The following SORCS3 variants were observed in gnomAD, a reference collection of about 807,000 sequenced individuals.
SORCS3 encodes the protein sortilin related VPS10 domain containing receptor 3.
Under a neutral mutation model 146.3 loss-of-function variants are expected in SORCS3, and 57 were observed. The ratio of observed to expected loss-of-function variants is 0.39; its 90% confidence interval spans 0.31 to 0.49. The LOEUF (loss-of-function observed/expected upper bound fraction) is 0.49, where lower values mean the gene tolerates loss of function less well. SORCS3 is among the 20% of genes least tolerant of loss of function. The pLI is 0.92. For synonymous variants in SORCS3, 653 were observed against 618.5 expected, an observed-to-expected ratio of 1.06 and a Z score of -0.83; for missense variants, 1,341 against 1,575.5, an observed-to-expected ratio of 0.85 and a Z score of 2.52.
intron 5 of SORCS3, among the ~76,000 whole-genome samples, chr10:105,055,060 G>A (rs951335890): frequency 1.3e-4 from 20 of 152,070 alleles, no homozygotes; most frequent in African/African-American, 4.8e-4. Flanking sequence ...CCAGTTTTGA[G>A]TATTGGCCAC....
chr10:105,044,802 C>T (rs1027361357), intron 5 of SORCS3, among the ~76,000 whole-genome samples: 13 of 151,734 alleles, frequency 8.6e-5, no homozygotes, highest in African/African-American at 2.9e-4. Context: ...TGGACTATCT[C>T]CAGCATGTTT....
intron 1 of SORCS3, among the ~76,000 whole-genome samples, chr10:104,811,526 A>G (rs1050801923): frequency 2.0e-5 from 3 of 152,246 alleles, no homozygotes; most frequent in Admixed American, 6.5e-5. Flanking sequence ...CGAAGGTCAC[A>G]CAGCTGAAAA....
chr10:105,246,322 C>CT (rs757104080), intron 21 of SORCS3, among the ~76,000 whole-genome samples: 141 of 151,050 alleles, frequency 9.3e-4, no homozygotes, highest in African/African-American at 3.1e-3. Context: ...CTTTTCTTTT[C>CT]TTTTTTTTTA....
At chr10:104,880,302 T>C (rs904305540) in intron 2 of SORCS3, among the ~76,000 whole-genome samples, 22 of 152,176 alleles carry the variant, frequency 1.4e-4, no homozygotes, top group Non-Finnish European at 3.1e-4. Context: ...AGAAAAACTA[T>C]TGGACAGCAA....
chr10:104,643,807 C>T (rs1191892029), intron 1 of SORCS3, among the ~76,000 whole-genome samples: 2 of 150,622 alleles, frequency 1.3e-5, no homozygotes, highest in Admixed American at 1.3e-4. Context: ...GTAAATATAT[C>T]CTAGGAAGAG....
intron 3 of SORCS3, among the ~76,000 whole-genome samples, chr10:104,953,037 T>C (rs1342035380): frequency 6.6e-6 from 1 of 152,176 alleles, no homozygotes; most frequent in Non-Finnish European, 1.5e-5. Flanking sequence ...GGGCTTATTG[T>C]GTAGTGAAGT....
rs562934861 is a variant in SORCS3 at position 104,752,081 on chromosome 10, C to A, written c.628-90711C>A. Reference sequence around the variant, plus strand: ...GCAGAGTCTTGCTTTGTCACCCAGGCTGGGGTGCAGTGGTGCGATCTCAGC... The same window carrying A: ...GCAGAGTCTTGCTTTGTCACCCAGGATGGGGTGCAGTGGTGCGATCTCAGC... On this transcript the variant is annotated intron_variant, in intron 1 of 26. Transcript: ENST00000369701. 5.1e-4 allele frequency among the ~76,000 whole-genome samples: 77 copies of A among 150,492 alleles called. 1 individual carries two copies. Among genetic ancestry groups the A allele is most frequent in the African/African-American group, 1.8e-3 (76 of 41,140 alleles).
At chr10:104,915,217 C>T (rs960839341) in intron 2 of SORCS3, among the ~76,000 whole-genome samples, 1 of 152,098 alleles carries the variant, frequency 6.6e-6, no homozygotes, top group African/African-American at 2.4e-5. Context: ...CTGTAAGCAG[C>T]CCAGTGCCAT....
At chr10:104,665,634 A>G (rs537319118) in intron 1 of SORCS3, 6 of 152,384 alleles carry the variant, frequency 3.9e-5, no homozygotes, top group Non-Finnish European at 7.3e-5. Flanking sequence ...GGTGGCAGAC[A>G]TTCCTTTTCC....
In SORCS3 at chr10:105,160,034, TC is replaced by T. The variant is rs1215852867; in HGVS notation, c.1732+1044del. Among the ~76,000 whole-genome samples, 17 of 152,172 alleles carry T rather than the reference TC, an allele frequency of 1.1e-4. No homozygotes were observed. The East Asian group carries it at 3.3e-3, about 29-fold the overall frequency. The stretch of plus-strand genomic sequence containing the variant: ...AGATGAAGGCAGGCTCAGTTGCTGT[TC>T]CCCTAGCTGGAGAAGTGATCCTCAC... On this transcript the variant is annotated intron_variant, in intron 11 of 26. Coordinates refer to ENST00000369701, the MANE Select transcript of SORCS3 (RefSeq NM_014978.3).
chr10:105,219,020 A>AT (rs2056682150), intron 19 of SORCS3, among the ~76,000 whole-genome samples: 1 of 151,972 alleles, frequency 6.6e-6, no homozygotes, highest in Non-Finnish European at 1.5e-5. Context: ...GTCTCAAAAA[A>AT]AAATATATAT....
intron 1 of SORCS3, among the ~76,000 whole-genome samples, chr10:104,658,623 G>A (rs1451941805): frequency 6.6e-6 from 1 of 152,176 alleles, no homozygotes; most frequent in Non-Finnish European, 1.5e-5. Context: ...CCAAAGTGGT[G>A]GGATTACAGG....
chr10:105,134,223 C>G (rs2056042254), intron 7 of SORCS3, among the ~76,000 whole-genome samples: 1 of 152,156 alleles, frequency 6.6e-6, no homozygotes, highest in African/African-American at 2.4e-5. Context: ...ACAAGTCACT[C>G]AAAACCTCTG....
intron 12 of SORCS3, among the ~76,000 whole-genome samples, chr10:105,165,726 C>T (rs545275683): frequency 6.6e-6 from 1 of 152,140 alleles, no homozygotes; most frequent in African/African-American, 2.4e-5. Context: ...TAAAAAAAAT[C>T]TCCTCATAGG....
intron 3 of SORCS3, among the ~76,000 whole-genome samples, chr10:104,951,725 A>G (rs1249714604): frequency 6.6e-6 from 1 of 152,142 alleles, no homozygotes; most frequent in Non-Finnish European, 1.5e-5. Flanking sequence ...GGCCCAATGC[A>G]GTTTCATGAT....
chr10:104,869,754 C>T (rs2018499351), intron 2 of SORCS3, among the ~76,000 whole-genome samples: 1 of 152,322 alleles, frequency 6.6e-6, no homozygotes, highest in Non-Finnish European at 1.5e-5. Flanking sequence ...ATTATGTAGT[C>T]CTGATTACCT....
intron 2 of SORCS3, among the ~76,000 whole-genome samples, chr10:104,861,248 T>C (rs188416268): frequency 5.8e-4 from 89 of 152,312 alleles, no homozygotes; most frequent in African/African-American, 2.1e-3. Flanking sequence ...GGAGTCTCTG[T>C]ACAGAGAAGT....
chr10:104,922,664 A>G (rs1185219033), intron 3 of SORCS3, among the ~76,000 whole-genome samples: 1 of 152,206 alleles, frequency 6.6e-6, no homozygotes, highest in Admixed American at 6.5e-5. Flanking sequence ...TTTTAATATG[A>G]AACATCCGTG....
intron 1 of SORCS3, 68 bp downstream of exon 1, chr10:104,642,022 G>GGGCCCCCC: frequency 5.8e-6 from 1 of 173,332 alleles, no homozygotes; most frequent in East Asian, 1.5e-4. Flanking sequence ...GGGTGGGTGG[G>GGGCCCCCC]AGCGAGGGAC....
Sources: allele counts gnomAD v4.1 joint callset (sites outside exome capture counted in the v4.1 genomes callset), GRCh38; gene constraint gnomAD v4.1.1; transcripts MANE v1.5; gene names NCBI Gene and HGNC (gene_info 2026-07-23, HGNC 2026-07-21).